Variants in FARP2 observed in about 807,000 individuals in gnomAD.
FARP2 encodes FERM, ARH/RhoGEF and pleckstrin domain protein 2, also known as FERM, ARHGEF and pleckstrin domain-containing protein 2.
FARP2 carries 111 observed loss-of-function variants against 130.5 expected under a neutral mutation model. The observed-to-expected ratio is 0.85, with a 90% confidence interval of 0.73 to 1.00. FARP2 has a LOEUF of 1.00. FARP2 is among the 50% of genes least tolerant of loss of function. The pLI, the probability that FARP2 is intolerant of heterozygous loss-of-function variation, is 0.00. For synonymous variants in FARP2, 504 were observed against 516.9 expected (o/e 0.98, Z 0.34); for missense variants, 1,385 against 1,346.3 (o/e 1.03, Z -0.45).
At position 241,491,153 on chromosome 2, in the gene FARP2, G is replaced by A; in HGVS notation, c.2597G>A (p.Gly866Asp). 1 of 1,613,070 alleles carries A rather than the reference G, an allele frequency of 6.2e-7. No homozygotes were observed. Among genetic ancestry groups the A allele is most frequent in the South Asian group, 1.1e-5 (1 of 91,078 alleles). Residue 866 changes from glycine to aspartate, a missense_variant, in exon 23 of 27, where the codon GGC becomes GAC. Coordinates refer to ENST00000264042, the MANE Select transcript of FARP2 (RefSeq NM_014808.4). ...SGGDTAPALPGRTVCTRPPRS... is the reference protein window; with the variant it reads ...SGGDTAPALPDRTVCTRPPRS... The stretch of plus-strand genomic sequence containing the variant: ...GGTGACACGGCCCCTGCACTGCCAG[G>A]CCGCACTGTGTGCACTCGTCCCCCC...
Position 241,377,562 on chromosome 2 carries a change from C to T in FARP2, c.183+4272C>T, listed in dbSNP as rs551500587. Reference sequence around the variant, plus strand: ...TTCACCTTGTTAGCCAGGATGGTCTCGATCTCCTGACCTCAGGTGATCCAC... The same window carrying T: ...TTCACCTTGTTAGCCAGGATGGTCTTGATCTCCTGACCTCAGGTGATCCAC... On this transcript the variant is annotated intron_variant, in intron 2 of 26. Coordinates refer to ENST00000264042, the MANE Select transcript of FARP2 (RefSeq NM_014808.4). Among the ~76,000 whole-genome samples, 5 of 152,214 alleles carry T rather than the reference C, an allele frequency of 3.3e-5. No individual in the cohort carries two copies. The East Asian group carries it at 7.7e-4, about 24-fold the overall frequency.
At chr2:241,365,046 G>T (rs1364959116) in intron 1 of FARP2, among the ~76,000 whole-genome samples, 1 of 152,194 alleles carries the variant, frequency 6.6e-6, no homozygotes, top group African/African-American at 2.4e-5. Flanking sequence ...GGAAAGTAGA[G>T]ACTGGGCCAG....
intron 1 of FARP2, among the ~76,000 whole-genome samples, chr2:241,360,804 C>A (rs73116359): frequency 0.03 from 4,521 of 151,944 alleles, 155 homozygotes; most frequent in African/African-American, 0.081. Flanking sequence ...TGTAATATTT[C>A]TTCCTTTGGC....
chr2:241,474,724 G>A (rs894275311), intron 18 of FARP2, among the ~76,000 whole-genome samples: 5 of 150,392 alleles, frequency 3.3e-5, no homozygotes, highest in African/African-American at 4.9e-5. Flanking sequence ...CTTGAGAGGC[G>A]GAGGTTTCAG....
intron 7 of FARP2, among the ~76,000 whole-genome samples, chr2:241,415,886 A>G (rs985733880): frequency 2.0e-5 from 3 of 152,170 alleles, no homozygotes; most frequent in Non-Finnish European, 4.4e-5. Context: ...TCTAGATTCA[A>G]GTACACTGAA....
Position 241,468,282 on chromosome 2 carries a change from T to C in FARP2, c.2036T>C (p.Leu679Pro), listed in dbSNP as rs760656390. ...TACTTGCCTCTCAACACGTTCCTGC[T>C]GAAGCCCATCCAGCGGCTGCTGCAC... ...VCYLPLNTFL[L>P]KPIQRLLHYR... Residue 679 changes from leucine (L) to proline (P), a missense_variant, in exon 18 of 27, where the codon CTG becomes CCG. Transcript: ENST00000264042. The C allele has an allele frequency of 1.2e-6, 2 of 1,613,806 alleles. No individual in the cohort carries two copies. The highest frequency in any genetic ancestry group is 4.5e-5 in the East Asian group (2 of 44,900).
intron 1 of FARP2, among the ~76,000 whole-genome samples, chr2:241,356,720 G>A (rs978244742): frequency 2.0e-5 from 3 of 152,174 alleles, no homozygotes; most frequent in Non-Finnish European, 4.4e-5. Context: ...GTCCCGCGTG[G>A]ACTCGCGGGT....
chr2:241,452,250 ACTGTGGAGTACAT>A (rs1417096316), intron 13 of FARP2, among the ~76,000 whole-genome samples: 3 of 152,160 alleles, frequency 2.0e-5, no homozygotes, highest in Non-Finnish European at 4.4e-5. Context: ...TTGTTTTCTC[ACTGTGGAGTACAT>A]CTGTGTTGGT....
intron 18 of FARP2, among the ~76,000 whole-genome samples, chr2:241,473,740 C>A (rs2064376994): frequency 1.3e-5 from 2 of 152,182 alleles, no homozygotes; most frequent in Admixed American, 1.3e-4. Context: ...GGCTCAGACC[C>A]AAGTGCTTGA....
intron 12 of FARP2, among the ~76,000 whole-genome samples, chr2:241,440,903 C>T (rs2063365219): frequency 6.6e-6 from 1 of 152,100 alleles, no homozygotes. Context: ...GTAATCCCAG[C>T]ATGTTGGAAG....
chr2:241,467,981 C>G (rs1441354334), intron 17 of FARP2, among the ~76,000 whole-genome samples, 159 bp from the exon 18 acceptor site: 1 of 152,210 alleles, frequency 6.6e-6, no homozygotes, highest in East Asian at 1.9e-4. Context: ...AGATGCATTC[C>G]GTGGAGGCTA....
intron 2 of FARP2, among the ~76,000 whole-genome samples, chr2:241,389,553 C>T (rs1275457530): frequency 1.3e-5 from 2 of 152,178 alleles, no homozygotes. Context: ...CCTGAACCAA[C>T]TAAGACATCT....
intron 3 of FARP2, 87 bp from the exon 4 acceptor site, chr2:241,404,712 A>C (rs1315016091): frequency 3.9e-6 from 4 of 1,023,790 alleles, no homozygotes; most frequent in Non-Finnish European, 5.9e-6. Flanking sequence ...AATTTATCTT[A>C]TTATAACCAT....
intron 2 of FARP2, among the ~76,000 whole-genome samples, chr2:241,396,893 C>T (rs894746082): frequency 2.6e-5 from 4 of 152,206 alleles, no homozygotes; most frequent in Non-Finnish European, 5.9e-5. Flanking sequence ...ACGTGTGTTT[C>T]TTGCGGCACT....
chr2:241,438,169 A>G (rs1488214310), intron 12 of FARP2, among the ~76,000 whole-genome samples: 1 of 152,166 alleles, frequency 6.6e-6, no homozygotes, highest in Non-Finnish European at 1.5e-5. Flanking sequence ...TACAGTTTCA[A>G]CTTTTATCTC....
intron 8 of FARP2, among the ~76,000 whole-genome samples, chr2:241,429,725 G>A (rs2063044666): frequency 6.6e-6 from 1 of 151,916 alleles, no homozygotes; most frequent in Non-Finnish European, 1.5e-5. Flanking sequence ...CTCTACAAAA[G>A]GTCCTGCTGG....
At chr2:241,406,037 C>T (rs1328813036) in intron 4 of FARP2, among the ~76,000 whole-genome samples, 1 of 152,092 alleles carries the variant, frequency 6.6e-6, no homozygotes, top group African/African-American at 2.4e-5. Flanking sequence ...GGCACGGTGG[C>T]TCACGCCTGT....
chr2:241,474,660 C>T (rs908800139), intron 18 of FARP2, among the ~76,000 whole-genome samples: 4 of 151,616 alleles, frequency 2.6e-5, no homozygotes, highest in Admixed American at 1.3e-4. Flanking sequence ...GGCGTTGTGG[C>T]GGGCATCTGT....
chr2:241,438,874 C>T (rs889138011), intron 12 of FARP2, among the ~76,000 whole-genome samples: 1 of 152,184 alleles, frequency 6.6e-6, no homozygotes, highest in East Asian at 1.9e-4. Flanking sequence ...CCATGATCCA[C>T]CTGCTCAGCC....
Sources: gnomAD v4.1 joint callset for allele counts (sites outside exome capture counted in the v4.1 genomes callset) on GRCh38, gnomAD v4.1.1 for gene constraint, MANE v1.5 for transcripts, NCBI Gene and HGNC (gene_info 2026-07-23, HGNC 2026-07-21) for gene names.